The following GSTZ1 variants were observed in gnomAD, a reference collection of about 807,000 sequenced individuals.
The protein encoded by GSTZ1 is glutathione S-transferase zeta 1, also known as maleylacetoacetate isomerase.
GSTZ1 carries 34 observed loss-of-function variants against 35.9 expected under a neutral mutation model. The observed-to-expected ratio is 0.95, with a 90% CI of 0.72 to 1.26. The LOEUF (loss-of-function observed/expected upper bound fraction) is 1.26, where lower values mean the gene tolerates loss of function less well. GSTZ1 is among the 50% of genes most tolerant of loss of function. The pLI, the probability that GSTZ1 is intolerant of heterozygous loss-of-function variation, is 0.00. For synonymous variants in GSTZ1, 93 were observed against 101.2 expected (o/e 0.92, Z 0.49); for missense variants, 263 against 271.7 (o/e 0.97, Z 0.23).
rs760369141 is a variant in GSTZ1 at position 77,324,599 on chromosome 14, G to A, written c.16-271G>A. ...TTCCTGGGAGGCTGAGGGTCACCAC[G>A]ATACCATGACAGAGTCTGGCAAGGT... On this transcript the variant is annotated intron_variant, in intron 1 of 8. Coordinates refer to ENST00000216465, the MANE Select transcript of GSTZ1 (RefSeq NM_145870.3). The A allele has an allele frequency of 3.1e-5, 47 of 1,534,282 alleles. No homozygotes were observed. In the Middle Eastern group the frequency reaches 5.0e-4, roughly 16 times the overall value.
chr14:77,328,138 G>A, intron 5 of GSTZ1, 101 bp downstream of exon 5: 1 of 1,196,208 alleles, frequency 8.4e-7, no homozygotes, highest in South Asian at 1.3e-5. Flanking sequence ...TGTCAAGGGA[G>A]GGAGGGGGAT....
rs1436760444 is a variant in GSTZ1, at chr14:77,321,176, C to T, written c.8C>T (p.Ala3Val). The change falls in exon 1 of 9, where the codon GCG becomes GTG. Residue 3 changes from alanine to valine, a missense_variant. Transcript: ENST00000216465. Reference sequence around the variant, plus strand: ...GGTCGCGCGAAGTGCCAGATGCAGGCGGGGAAGGTCTGTGACGCGCACCCG... The same window carrying T: ...GGTCGCGCGAAGTGCCAGATGCAGGTGGGGAAGGTCTGTGACGCGCACCCG... MQ[A>V]GKPILYSYFR... The T allele has an allele frequency of 2.1e-5, 31 of 1,465,238 alleles. No individual in the cohort carries two copies. Among genetic ancestry groups the T allele is most frequent in the Non-Finnish European group, 2.6e-5 (29 of 1,102,028 alleles). The allele number at this position is 1,465,238 out of a possible 1,614,324, so 90.8% of individuals were successfully genotyped here. A position where few individuals can be genotyped will look rare whatever the true frequency, so the allele number is the denominator to read the frequency against.
rs376952120 is a variant in GSTZ1 at position 77,326,919 on chromosome 14, G to A, written c.135+14G>A. ...GGGGGCCAACAGGTAAGAAGGCTGT[G>A]CCCAGACCACAATGTGGGAATTGGA... On this transcript the variant is annotated intron_variant, in intron 3 of 8. Coordinates refer to ENST00000216465, the MANE Select transcript of GSTZ1 (RefSeq NM_145870.3). The A allele has an allele frequency of 5.7e-5, 90 of 1,579,682 alleles. No individual in the cohort carries two copies. The highest frequency in any genetic ancestry group is 7.5e-5 in the Non-Finnish European group (87 of 1,153,950).
chr14:77,323,639 T>C (rs1892145718), intron 1 of GSTZ1: 1 of 152,222 alleles, frequency 6.6e-6, no homozygotes, highest in African/African-American at 2.4e-5. Context: ...CATACTAGAA[T>C]GAAATGTCCT....
At chr14:77,324,307 T>C (rs8177553) in intron 1 of GSTZ1, 1 of 431,370 alleles carries the variant, frequency 2.3e-6, no homozygotes, top group African/African-American at 2.0e-5. Context: ...CACACCTGGC[T>C]GATTTTTTTT....
At position 77,331,099 on chromosome 14, in the gene GSTZ1, C is replaced by T. The variant is rs749071632; in HGVS notation, c.555C>T (p.Thr185=). Residue 185 remains threonine (T), a synonymous_variant, in exon 9 of 9, where the codon ACC becomes ACT. Coordinates refer to ENST00000216465, the MANE Select transcript of GSTZ1 (RefSeq NM_145870.3). ...AGGTGGATCTCACCCCCTACCCTAC[C>T]ATCAGCTCCATCAACAAGAGGCTGC... ...RFKVDLTPYP[T]ISSINKRLLV... is the part of the protein sequence containing the mutation. The T allele has an allele frequency of 2.5e-6, 4 of 1,613,946 alleles. No homozygotes were observed. Among genetic ancestry groups the T allele is most frequent in the Non-Finnish European group, 3.4e-6 (4 of 1,179,856 alleles).
chr14:77,322,260 G>T (rs1371738293), intron 1 of GSTZ1, among the ~76,000 whole-genome samples: 1 of 152,172 alleles, frequency 6.6e-6, no homozygotes, highest in Non-Finnish European at 1.5e-5. Context: ...GGAAACACAG[G>T]TCTTCTAGGA....
At chr14:77,326,710 C>T in intron 2 of GSTZ1, 128 bp from the exon 3 acceptor site, 2 of 659,292 alleles carry the variant, frequency 3.0e-6, no homozygotes, top group Non-Finnish European at 5.4e-6. Context: ...CACGGTGAGC[C>T]TTGACCACCC....
chr14:77,324,325 TC>T (rs1892189300), intron 1 of GSTZ1: 5 of 463,618 alleles, frequency 1.1e-5, no homozygotes, highest in South Asian at 9.1e-5. Flanking sequence ...TTTTGTATTT[TC>T]AGTAGAGACA....
rs916061705 is a variant in GSTZ1, at chr14:77,328,107, T to C, written c.342+70T>C. 1.7e-5 allele frequency: 25 copies of C among 1,458,032 alleles called. No homozygotes were observed. In the Admixed American group the frequency reaches 3.3e-4, roughly 19 times the overall value. The allele number at this position is 1,458,032 out of a possible 1,614,324, so 90.3% of individuals were successfully genotyped here. A position where few individuals can be genotyped will look rare whatever the true frequency, so the allele number is the denominator to read the frequency against. On this transcript the variant is annotated intron_variant, in intron 5 of 8. Transcript: ENST00000216465. Reference sequence around the variant, plus strand: ...TTACACTCACACATTGGCTGTGAGCTGCCCAGTGTGGGGGCGGGGGTGTCA... The same window carrying C: ...TTACACTCACACATTGGCTGTGAGCCGCCCAGTGTGGGGGCGGGGGTGTCA...
chr14:77,330,131 C>G (rs1414501028), intron 7 of GSTZ1, 179 bp from the exon 8 acceptor site: 1 of 739,358 alleles, frequency 1.4e-6, no homozygotes, highest in Non-Finnish European at 2.5e-6. Context: ...TGGGAGGGCA[C>G]TTCAGCTCCG....
chr14:77,321,569 C>T, intron 1 of GSTZ1: 2 of 1,221,402 alleles, frequency 1.6e-6, no homozygotes, highest in Middle Eastern at 2.3e-4. Flanking sequence ...AGGAGGTGAC[C>T]TTCCAGTAAT....
chr14:77,321,051 G>C lies in GSTZ1; in HGVS notation c.-118G>C. The C allele has an allele frequency of 8.7e-7, 1 of 1,146,058 alleles. No individual in the cohort carries two copies. Among genetic ancestry groups the C allele is most frequent in the Non-Finnish European group, 1.2e-6 (1 of 833,012 alleles). The allele number at this position is 1,146,058 out of a possible 1,614,324, so 71.0% of individuals were successfully genotyped here. A position where few individuals can be genotyped will look rare whatever the true frequency, so the allele number is the denominator to read the frequency against. ...AAGGATCTTTCTAGTCCAGCCCCTC[G>C]CTTTACCCGGACGAAAGACACGGGC... On this transcript the variant is annotated 5_prime_UTR_variant, in exon 1 of 9. Coordinates refer to ENST00000216465, the MANE Select transcript of GSTZ1 (RefSeq NM_145870.3).
chr14:77,331,104 G>C lies in GSTZ1; in HGVS notation c.560G>C (p.Ser187Thr). ...KVDLTPYPTISSINKRLLVLE... is the reference protein window; with the variant it reads ...KVDLTPYPTITSINKRLLVLE... ...GATCTCACCCCCTACCCTACCATCA[G>C]CTCCATCAACAAGAGGCTGCTGGTC... Residue 187 changes from serine to threonine, a missense_variant, in exon 9 of 9, where the codon AGC (serine) becomes ACC (threonine). Coordinates refer to ENST00000216465, the MANE Select transcript of GSTZ1 (RefSeq NM_145870.3). 6.2e-7 allele frequency: 1 copy of C among 1,613,994 alleles called. No individual in the cohort carries two copies. Among genetic ancestry groups the C allele is most frequent in the African/African-American group, 1.3e-5 (1 of 75,028 alleles).
At chr14:77,327,095 G>T (rs2139574233) in intron 3 of GSTZ1, 190 bp downstream of exon 3, 1 of 612,510 alleles carries the variant, frequency 1.6e-6, no homozygotes, top group Middle Eastern at 4.4e-4. Flanking sequence ...GCCTGGGAAG[G>T]GCCCAGGTCC....
At chr14:77,328,850 T>C in intron 5 of GSTZ1, 1 of 515,068 alleles carries the variant, frequency 1.9e-6, no homozygotes, top group Non-Finnish European at 3.5e-6. Context: ...CCGCGTCCTG[T>C]GTCACATGAA....
intron 1 of GSTZ1, 145 bp downstream of exon 1, chr14:77,321,328 T>C (rs1276812507): frequency 1.0e-5 from 16 of 1,529,662 alleles, no homozygotes; most frequent in Admixed American, 3.9e-5. Context: ...GCTCTGCGCC[T>C]GCGTGCTGCG....
At chr14:77,321,352 G>T (rs8177537) in intron 1 of GSTZ1, 169 bp downstream of exon 1, 153,195 of 1,532,580 alleles carry the variant, frequency 0.1, 8,363 homozygotes, top group South Asian at 0.11. Context: ...TGCCCGCTGG[G>T]GCTCGAAGTT....
intron 2 of GSTZ1, 66 bp from the exon 3 acceptor site, chr14:77,326,772 G>A (rs1244535351): frequency 8.4e-7 from 1 of 1,196,656 alleles, no homozygotes; most frequent in East Asian, 2.5e-5. Context: ...ACCTTAGAAG[G>A]GCTCTTTCCT....
Sources: gnomAD v4.1 joint callset for allele counts (sites outside exome capture counted in the v4.1 genomes callset) on GRCh38, gnomAD v4.1.1 for gene constraint, MANE v1.5 for transcripts, NCBI Gene and HGNC (gene_info 2026-07-23, HGNC 2026-07-21) for gene names.